The following TP63 variants were observed in gnomAD, a reference collection of about 807,000 sequenced individuals.
TP63 encodes tumor protein 63.
A neutral mutation model predicts 82.8 loss-of-function variants in TP63; 17 were observed. The ratio of observed to expected loss-of-function variants is 0.21; its 90% CI spans 0.14 to 0.31. TP63 has a LOEUF of 0.31. TP63 is among the 10% of genes least tolerant of loss of function. The pLI, the probability that TP63 is intolerant of heterozygous loss-of-function variation, is 1.00. For missense variants in TP63, 648 were observed against 895.3 expected (o/e 0.72, Z 3.52); for synonymous variants, 330 against 321.7 (o/e 1.03, Z -0.28).
At chr3:189,629,035 C>T (rs547142160), upstream of TP63, among the ~76,000 whole-genome samples, 5 of 152,078 alleles carry the variant, frequency 3.3e-5, no homozygotes, top group South Asian at 4.2e-4. Context: ...TCATGACATA[C>T]GTTTAAATGA....
intron 9 of TP63, among the ~76,000 whole-genome samples, chr3:189,871,368 A>G (rs1028839146): frequency 1.3e-5 from 2 of 152,196 alleles, no homozygotes; most frequent in Non-Finnish European, 2.9e-5. Context: ...AATGTAATAA[A>G]TAAATGTAAT....
intron 1 of TP63, among the ~76,000 whole-genome samples, chr3:189,723,042 G>C (rs1719510490): frequency 1.3e-5 from 2 of 152,192 alleles, no homozygotes; most frequent in South Asian, 4.1e-4. Flanking sequence ...TCTCTTGGAG[G>C]AAGGGACAAG....
At chr3:189,703,209 G>A (rs1025171811) in intron 1 of TP63, among the ~76,000 whole-genome samples, 6 of 152,148 alleles carry the variant, frequency 3.9e-5, no homozygotes, top group East Asian at 1.9e-4. Flanking sequence ...CAAGGCCAGC[G>A]GATTTGTTGA....
chr3:189,681,010 A>G (rs1385648103), intron 1 of TP63, among the ~76,000 whole-genome samples: 3 of 152,158 alleles, frequency 2.0e-5, no homozygotes. Context: ...CTTCACTTTT[A>G]TCTCATCACA....
intron 4 of TP63, among the ~76,000 whole-genome samples, chr3:189,841,145 T>C (rs531964803): frequency 1.3e-5 from 2 of 152,142 alleles, no homozygotes; most frequent in Admixed American, 1.3e-4. Flanking sequence ...CATCCTGCAA[T>C]GTACATATAG....
At chr3:189,803,375 A>G (rs973288819) in intron 3 of TP63, among the ~76,000 whole-genome samples, 1 of 152,224 alleles carries the variant, frequency 6.6e-6, no homozygotes, top group African/African-American at 2.4e-5. Flanking sequence ...GTAAATACCT[A>G]TTTCTATTGC....
intron 3 of TP63, among the ~76,000 whole-genome samples, chr3:189,796,190 G>C (rs956834917): frequency 1.3e-5 from 2 of 151,884 alleles, no homozygotes; most frequent in African/African-American, 4.8e-5. Context: ...CCATTTAAAA[G>C]CCAACCCCAC....
At chr3:189,662,971 T>G (rs867301066) in intron 1 of TP63, among the ~76,000 whole-genome samples, 2 of 152,082 alleles carry the variant, frequency 1.3e-5, no homozygotes, top group African/African-American at 4.8e-5. Context: ...CTGAATAGAT[T>G]AAGTGATTTT....
intron 3 of TP63, among the ~76,000 whole-genome samples, chr3:189,760,942 C>A (rs2108538048): frequency 6.6e-6 from 1 of 152,286 alleles, no homozygotes; most frequent in East Asian, 1.9e-4. Flanking sequence ...AGGCTTGCAC[C>A]CTCTGAGGCC....
At chr3:189,631,276 G>T (rs1356511414), upstream of TP63, 21 of 1,316,436 alleles carry the variant, frequency 1.6e-5, no homozygotes, top group Middle Eastern at 3.1e-4. Context: ...TGCCCAGCTG[G>T]TAAGAATCGA....
At chr3:189,802,698 T>A (rs938567605) in intron 3 of TP63, among the ~76,000 whole-genome samples, 26 of 152,156 alleles carry the variant, frequency 1.7e-4, no homozygotes, top group African/African-American at 6.0e-4. Context: ...ATCACTAGGA[T>A]CCATACAGGA....
chr3:189,596,965 A>C, the TP63 span, among the ~76,000 whole-genome samples: 1 of 152,172 alleles, frequency 6.6e-6, no homozygotes, highest in Admixed American at 6.5e-5. Flanking sequence ...TTCAACACTC[A>C]CTGCGAAGGT....
At position 189,877,150 on chromosome 3, in the gene TP63, G is replaced by A. The variant is rs191025115; in HGVS notation, c.1349+4155G>A. On this transcript the variant is annotated intron_variant, in intron 10 of 13. Transcript: ENST00000264731. ...CGAAGATAGACTTTACAGAGCTGCTGTGAATCAAATTGTTATAGATACAAG... is the reference window on the plus strand; with the variant it reads ...CGAAGATAGACTTTACAGAGCTGCTATGAATCAAATTGTTATAGATACAAG... Among the ~76,000 whole-genome samples, 35 of 152,278 alleles carry A rather than the reference G, an allele frequency of 2.3e-4. No homozygotes were observed. In the East Asian group the frequency reaches 6.6e-3, roughly 29 times the overall value.
At chr3:189,865,465 A>G (rs890143539) in intron 5 of TP63, among the ~76,000 whole-genome samples, 12 of 152,218 alleles carry the variant, frequency 7.9e-5, no homozygotes, top group Non-Finnish European at 1.0e-4. Context: ...GACTAAACAG[A>G]GAGTGCTGAA....
rs113519671 is a variant in TP63, at chr3:189,851,389, C to T, written c.580-12843C>T. Among the ~76,000 whole-genome samples the T allele has an allele frequency of 2.6e-5, 4 of 152,072 alleles. No homozygotes were observed. In the South Asian group the frequency reaches 6.2e-4, roughly 24 times the overall value. The stretch of plus-strand genomic sequence containing the variant: ...AGCCTGGGCAACATGGGGGAAACCC[C>T]GTCTCTGCTGAAGAAAAAGAAAAAT... On this transcript the variant is annotated intron_variant, in intron 4 of 13. Coordinates refer to ENST00000264731, the MANE Select transcript of TP63 (RefSeq NM_003722.5).
intron 3 of TP63, among the ~76,000 whole-genome samples, chr3:189,755,926 G>C (rs1278591082): frequency 6.6e-6 from 1 of 152,148 alleles, no homozygotes; most frequent in Admixed American, 6.5e-5. Context: ...TCTATGGAAG[G>C]GATAGTAGTT....
chr3:189,863,844 G>A (rs921822885), intron 4 of TP63, among the ~76,000 whole-genome samples: 2 of 152,134 alleles, frequency 1.3e-5, no homozygotes, highest in African/African-American at 4.8e-5. Flanking sequence ...CTTTGTGGTT[G>A]TTGTTTAATA....
At chr3:189,634,294 T>C (rs1729634499) in intron 1 of TP63, among the ~76,000 whole-genome samples, 1 of 152,062 alleles carries the variant, frequency 6.6e-6, no homozygotes, top group South Asian at 2.1e-4. Context: ...AAGAACAGGA[T>C]ATCTTGATAT....
intron 1 of TP63, among the ~76,000 whole-genome samples, chr3:189,719,834 C>T (rs747307737): frequency 6.6e-6 from 1 of 152,166 alleles, no homozygotes; most frequent in Admixed American, 6.6e-5. Context: ...CTTTAAAAAG[C>T]AAATTTCTTT....
Sources: allele counts gnomAD v4.1 joint callset (sites outside exome capture counted in the v4.1 genomes callset), GRCh38; gene constraint gnomAD v4.1.1; transcripts MANE v1.5; gene names NCBI Gene and HGNC (gene_info 2026-07-23, HGNC 2026-07-21).